FCHO1: variants seen among roughly 807,000 people sequenced by gnomAD.
FCHO1 encodes the protein FCH and mu domain containing endocytic adaptor 1, also known as F-BAR domain only protein 1.
In FCHO1, 45 loss-of-function variants were observed where a neutral mutation model predicts 114.4. That is an observed-to-expected ratio of 0.39 (90% confidence interval 0.31 to 0.50). FCHO1 has a LOEUF of 0.50. FCHO1 is among the 20% of genes least tolerant of loss of function. The pLI is 0.77. For missense variants in FCHO1, 1,042 were observed against 1,209.6 expected, an observed-to-expected ratio of 0.86 and a Z score of 2.06; for synonymous variants, 480 against 488.9, an observed-to-expected ratio of 0.98 and a Z score of 0.24.
intron 20 of FCHO1, among the ~76,000 whole-genome samples, chr19:17,780,564 G>A (rs1245410029): frequency 6.6e-6 from 1 of 152,134 alleles, no homozygotes; most frequent in South Asian, 2.1e-4. Context: ...CAGGAGTGGT[G>A]CTCCTGGCAT....
chr19:17,780,416 G>A (rs868708022), intron 20 of FCHO1, among the ~76,000 whole-genome samples: 2 of 151,964 alleles, frequency 1.3e-5, no homozygotes, highest in Middle Eastern at 3.2e-3. Context: ...TGCCTGCCTC[G>A]GCCTCCCAAA....
At chr19:17,774,134 C>G (rs1454688800) in intron 11 of FCHO1, 105 bp from the exon 12 acceptor site, 2 of 1,039,756 alleles carry the variant, frequency 1.9e-6, no homozygotes, top group Non-Finnish European at 3.0e-6. Context: ...GTCTTGAACT[C>G]CTGACCTCAG....
intron 23 of FCHO1, among the ~76,000 whole-genome samples, 187 bp from the exon 24 acceptor site, chr19:17,782,830 G>A (rs2093550048): frequency 6.6e-6 from 1 of 152,068 alleles, no homozygotes; most frequent in Admixed American, 6.6e-5. Context: ...AGCCCAGGGT[G>A]GATTCTTCCT....
rs200161942 is a variant in FCHO1, at chr19:17,787,764, G to C, written c.2565G>C (p.Glu855Asp). 6.2e-6 allele frequency: 10 copies of C among 1,609,992 alleles called. No individual in the cohort carries two copies. The East Asian group carries it at 1.1e-4, about 18-fold the overall frequency. Reference protein sequence around the residue: ...PSPVAAQFTSEGTTLSGVDLE... With the variant: ...PSPVAAQFTSDGTTLSGVDLE... ...CCGTGGCTGCACAGTTCACCAGCGAGGGGACCACTCTGTCGGGCGTGGACT... is the reference window on the plus strand; with the variant it reads ...CCGTGGCTGCACAGTTCACCAGCGACGGGACCACTCTGTCGGGCGTGGACT... The change falls in exon 28 of 29, where the codon GAG becomes GAC. Residue 855 changes from glutamate to aspartate, a missense_variant. By Grantham distance (45) the Glu-to-Asp change is conservative. Transcript: ENST00000596536.
In FCHO1 at chr19:17,788,559, C is replaced by A; in HGVS notation, c.*253C>A. 1 of 519,930 alleles carries A rather than the reference C, an allele frequency of 1.9e-6. No homozygotes were observed. Among genetic ancestry groups the A allele is most frequent in the Non-Finnish European group, 3.4e-6 (1 of 296,034 alleles). 32.2% of individuals were successfully genotyped at this position (519,930 alleles called of 1,614,324 possible). ...TTTCTAATAAAATAAAAAAGGAAAC[C>A]TTTTCCTGCTCCAGGAAGTATCCTT... On this transcript the variant is annotated 3_prime_UTR_variant, in exon 29 of 29. Coordinates refer to ENST00000596536, the MANE Select transcript of FCHO1 (RefSeq NM_015122.3).
At chr19:17,748,431 G>T (rs955144630), upstream of FCHO1, among the ~76,000 whole-genome samples, 6 of 151,922 alleles carry the variant, frequency 3.9e-5, no homozygotes, top group Non-Finnish European at 5.9e-5. Flanking sequence ...GGAATTTTGG[G>T]GAGGAGGTCA....
chr19:17,766,904 A>C (rs1370129561), intron 7 of FCHO1, 94 bp downstream of exon 7: 8 of 1,309,068 alleles, frequency 6.1e-6, no homozygotes, highest in Non-Finnish European at 7.4e-6. Flanking sequence ...TAACCTGCGG[A>C]TGTCCGCCTC....
chr19:17,774,651 C>G (rs893993454), intron 13 of FCHO1, 173 bp downstream of exon 13: 2 of 610,302 alleles, frequency 3.3e-6, no homozygotes, highest in Admixed American at 2.9e-5. Context: ...CCGGCTAGCT[C>G]AATATTACCG....
chr19:17,785,039 C>T (rs2147456895), intron 26 of FCHO1, 115 bp downstream of exon 26: 2 of 1,001,932 alleles, frequency 2.0e-6, no homozygotes, highest in East Asian at 5.2e-5. Flanking sequence ...AACTGTGAGC[C>T]CACCCTGCTT....
chr19:17,786,686 C>A, intron 27 of FCHO1, 57 bp downstream of exon 27: 1 of 1,553,736 alleles, frequency 6.4e-7, no homozygotes, highest in Non-Finnish European at 8.8e-7. Context: ...AGGTGGGAGG[C>A]ACTTATTTAT....
intron 27 of FCHO1, 97 bp from the exon 28 acceptor site, chr19:17,787,585 C>T: frequency 2.2e-6 from 3 of 1,373,896 alleles, no homozygotes; most frequent in South Asian, 2.9e-5. Context: ...ATAAAGGCCA[C>T]AGAACAGAGG....
rs1326344185 is a variant in FCHO1 at position 17,786,608 on chromosome 19, C to G, written c.2461C>G (p.Pro821Ala). The G allele has an allele frequency of 6.2e-7, 1 of 1,603,904 alleles. No individual in the cohort carries two copies. ...LEEKRLTWRLPDVSEAGGSGR... is the reference protein window; with the variant it reads ...LEEKRLTWRLADVSEAGGSGR... ...GGAGAAGCGGCTCACTTGGAGGCTT[C>G]CAGATGTGTCCGAGGCAGGCGGTGA... is the stretch of plus-strand genomic sequence containing the variant. Residue 821 changes from proline (P) to alanine (A), a missense_variant, in exon 27 of 29, where the codon CCA becomes GCA. Physicochemically the swap from Pro to Ala is conservative, Grantham distance 27. Around this residue, in one of 3 missense-constraint regions of FCHO1, gnomAD observed 137 missense variants for 190.0 expected, o/e 0.72. Coordinates refer to ENST00000596536, the MANE Select transcript of FCHO1 (RefSeq NM_015122.3).
At chr19:17,767,809 C>T (rs999449956) in intron 7 of FCHO1, among the ~76,000 whole-genome samples, 2 of 152,212 alleles carry the variant, frequency 1.3e-5, no homozygotes, top group African/African-American at 2.4e-5. Context: ...AAGCCAAACA[C>T]ATTTGCTATC....
chr19:17,781,333 A>G lies in FCHO1; in HGVS notation c.1730A>G (p.Asn577Ser), dbSNP rs138782496. 9 of 1,613,506 alleles carry G rather than the reference A, an allele frequency of 5.6e-6. No individual in the cohort carries two copies. In the African/African-American group the frequency reaches 6.7e-5, roughly 12 times the overall value. Residue 577 changes from asparagine to serine, a missense_variant, in exon 21 of 29, where the codon AAT (asparagine) becomes AGT (serine). By Grantham distance (46) the Asn-to-Ser change is conservative (BLOSUM62 1). Around this residue, in one of 3 missense-constraint regions of FCHO1, gnomAD observed 455 missense variants for 455.4 expected, o/e 1.00. Coordinates refer to ENST00000596536, the MANE Select transcript of FCHO1 (RefSeq NM_015122.3). ...RKVSCPLTRS[N>S]GDLSRSLSPS... is the part of the protein sequence containing the mutation. ...GTGTCCTGCCCTCTCACACGTAGCA[A>G]TGGGGACCTGGTAGGTGAGGGGGCG...
At chr19:17,772,023 C>T (rs1167960119) in intron 9 of FCHO1, among the ~76,000 whole-genome samples, 3 of 152,186 alleles carry the variant, frequency 2.0e-5, no homozygotes, top group African/African-American at 7.2e-5. Context: ...GTTGCCCAGA[C>T]TGGTCTTGAA....
At chr19:17,785,028 T>C (rs1305569543) in intron 26 of FCHO1, 104 bp downstream of exon 26, 2 of 1,133,064 alleles carry the variant, frequency 1.8e-6, no homozygotes, top group African/African-American at 1.5e-5. Context: ...GCCTGACCGT[T>C]AACTGTGAGC....
intron 4 of FCHO1, among the ~76,000 whole-genome samples, chr19:17,761,202 G>A (rs541976592): frequency 2.0e-5 from 3 of 152,262 alleles, no homozygotes; most frequent in Admixed American, 1.3e-4. Flanking sequence ...TCTGTGCTGG[G>A]CTTTGGTGGG....
At chr19:17,761,716 A>G (rs910974150) in intron 4 of FCHO1, among the ~76,000 whole-genome samples, 13 of 151,132 alleles carry the variant, frequency 8.6e-5, no homozygotes, top group Non-Finnish European at 1.9e-4. Context: ...GCTGGAGTGC[A>G]ATGGCGTGAT....
intron 28 of FCHO1, 119 bp downstream of exon 28, chr19:17,787,965 G>A: frequency 7.7e-7 from 1 of 1,295,970 alleles, no homozygotes; most frequent in South Asian, 1.4e-5. Flanking sequence ...TGGGTGTTGG[G>A]GCCAGGAGAC....
Sources: gnomAD v4.1 joint callset for allele counts (sites outside exome capture counted in the v4.1 genomes callset) on GRCh38, gnomAD v4.1.1 for gene constraint, gnomAD v4.1.1 regional missense constraint, MANE v1.5 for transcripts, NCBI Gene and HGNC (gene_info 2026-07-23, HGNC 2026-07-21) for gene names.